Variants in LRRC49 observed in about 807,000 individuals in gnomAD.
LRRC49 encodes leucine rich repeat containing 49.
In LRRC49, 50 loss-of-function variants were observed where a neutral mutation model predicts 83.3. The ratio of observed to expected loss-of-function variants is 0.60; its 90% CI spans 0.48 to 0.76. The LOEUF (loss-of-function observed/expected upper bound fraction) is 0.76. Ranked by LOEUF, LRRC49 falls within the 30% of genes least tolerant of loss-of-function variation. LRRC49 has a pLI of 0.00. For missense variants in LRRC49, 704 were observed against 809.1 expected (o/e 0.87, Z 1.58); for synonymous variants, 286 against 283.3 (o/e 1.01, Z -0.10).
intron 8 of LRRC49, 31 bp from the exon 9 acceptor site, chr15:70,963,754 A>C: frequency 6.2e-7 from 1 of 1,605,582 alleles, no homozygotes; most frequent in Non-Finnish European, 8.5e-7. Flanking sequence ...AAGGCCTCAG[A>C]ATAATCCAGT....
chr15:70,902,538 G>A (rs572033292), intron 4 of LRRC49: 3 of 152,354 alleles, frequency 2.0e-5, no homozygotes, highest in Admixed American at 2.0e-4. Flanking sequence ...GTCAAGAAAG[G>A]TTGGCTAGCA....
At chr15:70,999,909 A>G (rs1371046061) in intron 11 of LRRC49, among the ~76,000 whole-genome samples, 2 of 152,198 alleles carry the variant, frequency 1.3e-5, no homozygotes, top group Admixed American at 1.3e-4. Flanking sequence ...CTCCAGGGCA[A>G]GTGATACAAA....
chr15:71,005,934 T>C (rs2038442406), intron 11 of LRRC49, among the ~76,000 whole-genome samples: 1 of 152,152 alleles, frequency 6.6e-6, no homozygotes, highest in Admixed American at 6.6e-5. Context: ...AGAACACACT[T>C]TCCCAGAGGA....
chr15:70,989,755 T>C (rs1391642670), intron 11 of LRRC49, among the ~76,000 whole-genome samples: 5 of 152,262 alleles, frequency 3.3e-5, no homozygotes, highest in Middle Eastern at 3.4e-3. Context: ...TCCCCATCTT[T>C]GTGGTTTTGT....
chr15:71,042,885 T>C (rs1467532473), intron 15 of LRRC49, among the ~76,000 whole-genome samples: 2 of 152,224 alleles, frequency 1.3e-5, no homozygotes, highest in Admixed American at 6.5e-5. Flanking sequence ...CGTTGAATTA[T>C]TGACTGAGCC....
chr15:70,866,749 A>G (rs904775721), intron 1 of LRRC49, among the ~76,000 whole-genome samples: 6 of 152,246 alleles, frequency 3.9e-5, no homozygotes, highest in Admixed American at 2.0e-4. Context: ...CCAAGGTCCT[A>G]AGGAAATCAA....
At chr15:70,942,311 T>G (rs1181779625) in intron 8 of LRRC49, among the ~76,000 whole-genome samples, 1 of 152,112 alleles carries the variant, frequency 6.6e-6, no homozygotes, top group Non-Finnish European at 1.5e-5. Flanking sequence ...TTTTGGTGCA[T>G]AAGGGCCTTA....
At chr15:70,930,216 C>A (rs1262171278) in intron 7 of LRRC49, among the ~76,000 whole-genome samples, 1 of 152,176 alleles carries the variant, frequency 6.6e-6, no homozygotes, top group Non-Finnish European at 1.5e-5. Context: ...CCATGGACTG[C>A]AGAATGGATG....
intron 1 of LRRC49, among the ~76,000 whole-genome samples, chr15:70,856,146 T>A (rs1232911473): frequency 6.6e-6 from 1 of 152,140 alleles, no homozygotes; most frequent in East Asian, 1.9e-4. Context: ...AAGAGTCCCC[T>A]GGGGACTTTT....
intron 1 of LRRC49, among the ~76,000 whole-genome samples, chr15:70,872,215 G>A (rs1230610101): frequency 1.3e-5 from 2 of 152,234 alleles, no homozygotes; most frequent in African/African-American, 2.4e-5. Context: ...CCAACACGGC[G>A]AAACCCCGTC....
At chr15:70,958,913 A>T (rs2141190680) in intron 8 of LRRC49, among the ~76,000 whole-genome samples, 1 of 152,322 alleles carries the variant, frequency 6.6e-6, no homozygotes, top group East Asian at 1.9e-4. Flanking sequence ...AGTGAACTTT[A>T]TTCTTGCTGT....
chr15:70,908,381 AG>A (rs1387384247), intron 5 of LRRC49, among the ~76,000 whole-genome samples: 1 of 152,168 alleles, frequency 6.6e-6, no homozygotes, highest in Non-Finnish European at 1.5e-5. Flanking sequence ...AGGATTGTCA[AG>A]GGTTGTTTGG....
chr15:70,971,766 G>A (rs1198188406), intron 9 of LRRC49, among the ~76,000 whole-genome samples: 1 of 121,820 alleles, frequency 8.2e-6, no homozygotes, highest in Non-Finnish European at 1.7e-5. Context: ...TTTAAAGTCT[G>A]TTTTGTCAGA....
At chr15:70,944,445 C>G (rs1326517164) in intron 8 of LRRC49, among the ~76,000 whole-genome samples, 1 of 152,134 alleles carries the variant, frequency 6.6e-6, no homozygotes, top group South Asian at 2.1e-4. Flanking sequence ...TGCTCTGTCG[C>G]CCAGGCTGTA....
At chr15:70,983,246 A>G (rs940471554) in intron 10 of LRRC49, among the ~76,000 whole-genome samples, 4 of 152,042 alleles carry the variant, frequency 2.6e-5, no homozygotes, top group Non-Finnish European at 5.9e-5. Flanking sequence ...AGTAGTCTAG[A>G]TCTGCTTTTT....
chr15:70,962,000 AAAGGCACTGATCT>A (rs2036617280), intron 8 of LRRC49, among the ~76,000 whole-genome samples: 2 of 152,200 alleles, frequency 1.3e-5, no homozygotes, highest in South Asian at 4.1e-4. Flanking sequence ...GGGTGGGGGA[AAAGGCACTGATCT>A]AAGAAACTTC....
intron 7 of LRRC49, among the ~76,000 whole-genome samples, chr15:70,921,198 T>A (rs908911443): frequency 8.5e-5 from 13 of 152,188 alleles, no homozygotes; most frequent in Admixed American, 4.6e-4. Context: ...AAAGGGAAAG[T>A]CACTCAGTGA....
chr15:70,905,063 T>C (rs1471662455), intron 5 of LRRC49, among the ~76,000 whole-genome samples: 2 of 152,204 alleles, frequency 1.3e-5, no homozygotes, highest in African/African-American at 4.8e-5. Flanking sequence ...TTTAGACATG[T>C]GTATTCACTT....
intron 1 of LRRC49, among the ~76,000 whole-genome samples, chr15:70,863,604 T>C (rs1251220816): frequency 6.6e-6 from 1 of 152,118 alleles, no homozygotes; most frequent in Non-Finnish European, 1.5e-5. Context: ...AGAATAGTCA[T>C]CCCAGAGAAA....
Sources: allele counts gnomAD v4.1 joint callset (sites outside exome capture counted in the v4.1 genomes callset), GRCh38; gene constraint gnomAD v4.1.1; transcripts MANE v1.5; gene names NCBI Gene and HGNC (gene_info 2026-07-23, HGNC 2026-07-21).